The following ZCCHC2 variants were observed in gnomAD, a reference collection of about 807,000 sequenced individuals.
The protein encoded by ZCCHC2 is zinc finger CCHC-type containing 2.
In ZCCHC2, 39 loss-of-function variants were observed where a neutral mutation model predicts 103.6. The ratio of observed to expected loss-of-function variants is 0.38; its 90% CI spans 0.29 to 0.49. The LOEUF (loss-of-function observed/expected upper bound fraction) is 0.49, where lower values mean the gene tolerates loss of function less well. Ranked by LOEUF, ZCCHC2 falls within the 20% of genes least tolerant of loss-of-function variation. The probability of loss-of-function intolerance (pLI) is 0.96; values close to 1 mark genes in which losing one functional copy is unlikely to be tolerated. For missense variants in ZCCHC2, 1,483 were observed against 1,491.0 expected (o/e 0.99, Z 0.09); for synonymous variants, 687 against 608.9 (o/e 1.13, Z -1.89).
chr18:62,545,258 T>C (rs2145501142), intron 4 of ZCCHC2, among the ~76,000 whole-genome samples: 1 of 152,190 alleles, frequency 6.6e-6, no homozygotes, highest in African/African-American at 2.4e-5. Context: ...CCTAGTTTCC[T>C]GCAGAGATGT....
chr18:62,524,480 TC>T, intron 1 of ZCCHC2, 117 bp downstream of exon 1: 1 of 1,376,840 alleles, frequency 7.3e-7, no homozygotes, highest in Non-Finnish European at 9.4e-7. Flanking sequence ...TGGCTCGGAA[TC>T]CCCACCCGGC....
chr18:62,563,408 C>T (rs1381992868), intron 9 of ZCCHC2, among the ~76,000 whole-genome samples: 1 of 152,184 alleles, frequency 6.6e-6, no homozygotes, highest in Admixed American at 6.5e-5. Context: ...CTTCTAATCC[C>T]AGCACTTTGG....
intron 1 of ZCCHC2, among the ~76,000 whole-genome samples, chr18:62,533,094 A>G (rs892595171): frequency 3.3e-5 from 5 of 152,012 alleles, no homozygotes; most frequent in African/African-American, 1.2e-4. Flanking sequence ...AAGTAAATAA[A>G]TAAATTTGAT....
At position 62,536,622 on chromosome 18, in the gene ZCCHC2, C is replaced by T. The variant is rs34284056; in HGVS notation, c.940-3059C>T. Among the ~76,000 whole-genome samples the T allele has an allele frequency of 3.3e-5, 5 of 152,216 alleles. No homozygotes were observed. The South Asian group carries it at 8.3e-4, about 25-fold the overall frequency. On this transcript the variant is annotated intron_variant, in intron 1 of 13. Transcript: ENST00000269499. ...ACAGCATCGCCGAGCAGCCACCCAC[C>T]ATTGGGGCTGCCGATTCTCATCTCC... is the stretch of plus-strand genomic sequence containing the variant.
At position 62,541,922 on chromosome 18, in the gene ZCCHC2, A is replaced by G. The variant is rs112287036; in HGVS notation, c.1052-576A>G. Among the ~76,000 whole-genome samples, 856 of 152,320 alleles carry G rather than the reference A, an allele frequency of 5.6e-3. 8 individuals carry two copies. Among genetic ancestry groups the G allele is most frequent in the African/African-American group, 0.02 (812 of 41,568 alleles). On this transcript the variant is annotated intron_variant, in intron 2 of 13. Coordinates refer to ENST00000269499, the MANE Select transcript of ZCCHC2 (RefSeq NM_017742.6). ...CTCTGTAATGTAAAAAAATTTTGCC[A>G]CAATGAACGTTTATTATAATGTTCA...
chr18:62,553,578 T>C (rs1431747355), intron 5 of ZCCHC2, among the ~76,000 whole-genome samples: 1 of 152,170 alleles, frequency 6.6e-6, no homozygotes, highest in Non-Finnish European at 1.5e-5. Flanking sequence ...CATTTATCTG[T>C]AAGATCAATT....
chr18:62,562,789 G>A (rs1463718786), intron 8 of ZCCHC2, among the ~76,000 whole-genome samples: 2 of 152,222 alleles, frequency 1.3e-5, no homozygotes, highest in African/African-American at 4.8e-5. Flanking sequence ...AAAGCAGAGT[G>A]TGCAGCTGTT....
chr18:62,576,813 A>T lies in ZCCHC2; in HGVS notation c.*234A>T. The T allele has an allele frequency of 2.6e-6, 1 of 391,652 alleles. No individual in the cohort carries two copies. Among genetic ancestry groups the T allele is most frequent in the Non-Finnish European group, 4.6e-6 (1 of 218,046 alleles). The allele number at this position is 391,652 out of a possible 1,614,324, so 24.3% of individuals were successfully genotyped here. Reference sequence around the variant, plus strand: ...TATATGTATGATACATGTAATTTAAACCTTCAGACAAACTTAAATGTTGGT... The same window carrying T: ...TATATGTATGATACATGTAATTTAATCCTTCAGACAAACTTAAATGTTGGT... On this transcript the variant is annotated 3_prime_UTR_variant, in exon 14 of 14. Coordinates refer to ENST00000269499, the MANE Select transcript of ZCCHC2 (RefSeq NM_017742.6).
chr18:62,535,174 G>A (rs1221481451), intron 1 of ZCCHC2, among the ~76,000 whole-genome samples: 2 of 152,216 alleles, frequency 1.3e-5, no homozygotes, highest in Non-Finnish European at 2.9e-5. Context: ...GGAGATGTGC[G>A]CTTCTCTAGA....
chr18:62,528,547 C>T lies in ZCCHC2; in HGVS notation c.939+4184C>T, dbSNP rs186925858. 2.9e-4 allele frequency among the ~76,000 whole-genome samples: 43 copies of T among 147,870 alleles called. No homozygotes were observed. In the South Asian group the frequency reaches 8.5e-3, roughly 29 times the overall value. On this transcript the variant is annotated intron_variant, in intron 1 of 13. Coordinates refer to ENST00000269499, the MANE Select transcript of ZCCHC2 (RefSeq NM_017742.6). The stretch of plus-strand genomic sequence containing the variant: ...CTGGGAGGCAGAGGTTGCAGTGAGC[C>T]GAGGTGGCGCCACTGCACTCTAGCC...
At chr18:62,549,197 C>T (rs940189769) in intron 4 of ZCCHC2, among the ~76,000 whole-genome samples, 14 of 150,766 alleles carry the variant, frequency 9.3e-5, no homozygotes, top group Admixed American at 2.6e-4. Flanking sequence ...CCAGCCTGGG[C>T]AACAGAGCGA....
chr18:62,566,633 A>G (rs1037544406), intron 11 of ZCCHC2, among the ~76,000 whole-genome samples: 1 of 152,212 alleles, frequency 6.6e-6, no homozygotes, highest in African/African-American at 2.4e-5. Context: ...ACTGCTCACT[A>G]AAGAAGTTTG....
At chr18:62,541,937 TATA>T (rs1286916532) in intron 2 of ZCCHC2, among the ~76,000 whole-genome samples, 1 of 152,230 alleles carries the variant, frequency 6.6e-6, no homozygotes, top group Non-Finnish European at 1.5e-5. Context: ...GAACGTTTAT[TATA>T]ATGTTCAGTT....
Position 62,570,201 on chromosome 18 carries a change from A to G in ZCCHC2, c.1945A>G (p.Ser649Gly). The change falls in exon 12 of 14, where the codon AGT becomes GGT. Residue 649 changes from serine (S) to glycine (G), a missense_variant. Transcript: ENST00000269499. ...PSSPRHDGRE[S>G]FESEEEKDRD... is the part of the protein sequence containing the mutation. Reference sequence around the variant, plus strand: ...TAGTCCCCGACATGATGGAAGAGAAAGTTTTGAAAGTGAAGAAGAGAAAGA... The same window carrying G: ...TAGTCCCCGACATGATGGAAGAGAAGGTTTTGAAAGTGAAGAAGAGAAAGA... 11 of 1,611,686 alleles carry G rather than the reference A, an allele frequency of 6.8e-6. No homozygotes were observed. Among genetic ancestry groups the G allele is most frequent in the Non-Finnish European group, 9.3e-6 (11 of 1,178,824 alleles).
chr18:62,523,834 T>A lies in ZCCHC2; in HGVS notation c.410T>A (p.Leu137Gln). The A allele has an allele frequency of 6.5e-7, 1 of 1,544,740 alleles. No individual in the cohort carries two copies. The highest frequency in any genetic ancestry group is 8.7e-7 in the Non-Finnish European group (1 of 1,146,302). ...LRFLGSCLEDLARKDYHYLRD... is the reference protein window; with the variant it reads ...LRFLGSCLEDQARKDYHYLRD... ...TTCCTTGGCTCGTGCCTGGAGGACC[T>A]GGCGCGCAAGGACTACCACTACCTG... is the stretch of plus-strand genomic sequence containing the variant. The change falls in exon 1 of 14, where the codon CTG becomes CAG. Residue 137 changes from leucine (L) to glutamine (Q), a missense_variant. This residue lies in a region of ZCCHC2 where 568 missense variants were observed against 525.1 expected (regional missense o/e 1.08). Coordinates refer to ENST00000269499, the MANE Select transcript of ZCCHC2 (RefSeq NM_017742.6).
intron 11 of ZCCHC2, among the ~76,000 whole-genome samples, chr18:62,569,109 T>C (rs1916487430): frequency 1.3e-5 from 2 of 152,202 alleles, no homozygotes; most frequent in South Asian, 4.1e-4. Flanking sequence ...TTTAGCAACA[T>C]CAACATTCCT....
chr18:62,582,985 T>G (rs1917076643), downstream of ZCCHC2, among the ~76,000 whole-genome samples: 1 of 152,086 alleles, frequency 6.6e-6, no homozygotes, highest in African/African-American at 2.4e-5. Context: ...ATGCCTGTAG[T>G]CCCAGCTACT....
chr18:62,567,055 A>G (rs892552067), intron 11 of ZCCHC2, among the ~76,000 whole-genome samples: 63 of 152,296 alleles, frequency 4.1e-4, no homozygotes, highest in African/African-American at 1.5e-3. Flanking sequence ...TCTCCTCTAT[A>G]TCCGTCACCG....
chr18:62,557,518 CTCTT>C (rs1231864032), intron 6 of ZCCHC2, among the ~76,000 whole-genome samples: 1 of 152,166 alleles, frequency 6.6e-6, no homozygotes, highest in Non-Finnish European at 1.5e-5. Context: ...AAAAATATGA[CTCTT>C]TGTGATTAGT....
Sources: allele counts gnomAD v4.1 joint callset (sites outside exome capture counted in the v4.1 genomes callset), GRCh38; gene constraint gnomAD v4.1.1; regional missense constraint gnomAD v4.1.1; transcripts MANE v1.5; gene names NCBI Gene and HGNC (gene_info 2026-07-23, HGNC 2026-07-21).